The following B3GALT1 variants were observed in gnomAD, a reference collection of about 807,000 sequenced individuals.
The protein encoded by B3GALT1 is beta-1,3-galactosyltransferase 1, also known as UDP-Gal:betaGlcNAc beta 1,3-galactosyltransferase, polypeptide 1.
B3GALT1 carries 10 observed loss-of-function variants against 23.2 expected under a neutral mutation model. That is an observed-to-expected ratio of 0.43 (90% CI 0.27 to 0.73). B3GALT1 has a LOEUF of 0.73. Among genes scored for constraint, B3GALT1 ranks in the 30% least tolerant of loss-of-function variants. The probability of loss-of-function intolerance (pLI) is 0.21; values close to 1 mark genes in which losing one functional copy is unlikely to be tolerated. For missense variants in B3GALT1, 299 were observed against 405.4 expected (o/e 0.74, Z 2.25); for synonymous variants, 156 against 141.5 (o/e 1.10, Z -0.73).
At chr2:167,480,563 T>A (rs1480628077) in intron 1 of B3GALT1, among the ~76,000 whole-genome samples, 1 of 151,668 alleles carries the variant, frequency 6.6e-6, no homozygotes, top group African/African-American at 2.4e-5. Flanking sequence ...GTTTTGTTCC[T>A]TAGCCATGGT....
At chr2:167,393,834 C>CACTT (rs1291394402) in intron 1 of B3GALT1, among the ~76,000 whole-genome samples, 4 of 152,172 alleles carry the variant, frequency 2.6e-5, no homozygotes, top group Admixed American at 2.6e-4. Context: ...AGCCCTTATC[C>CACTT]ACTTGTCTGA....
At chr2:167,438,927 G>A (rs1410570597) in intron 1 of B3GALT1, among the ~76,000 whole-genome samples, 1 of 152,168 alleles carries the variant, frequency 6.6e-6, no homozygotes, top group Non-Finnish European at 1.5e-5. Context: ...ATGGAAGTGT[G>A]TCCATCTATA....
chr2:167,484,716 T>C (rs949789023), intron 1 of B3GALT1, among the ~76,000 whole-genome samples: 1 of 152,140 alleles, frequency 6.6e-6, no homozygotes, highest in African/African-American at 2.4e-5. Context: ...AGGTGGCAAA[T>C]GTTTCCTATT....
At chr2:167,706,279 G>A (rs956381945) in intron 3 of B3GALT1, among the ~76,000 whole-genome samples, 13 of 152,292 alleles carry the variant, frequency 8.5e-5, no homozygotes, top group African/African-American at 2.2e-4. Flanking sequence ...ATTGCAAATC[G>A]GCTAAGACTG....
At chr2:167,446,805 G>A (rs762703225) in intron 1 of B3GALT1, among the ~76,000 whole-genome samples, 1 of 152,052 alleles carries the variant, frequency 6.6e-6, no homozygotes, top group Admixed American at 6.5e-5. Context: ...CGTTGGGTTC[G>A]AACATCCTCC....
At chr2:167,468,365 A>G (rs1183271671) in intron 1 of B3GALT1, among the ~76,000 whole-genome samples, 1 of 152,218 alleles carries the variant, frequency 6.6e-6, no homozygotes, top group African/African-American at 2.4e-5. Context: ...AAAATAGAAC[A>G]TAATGATCAA....
At chr2:167,437,557 T>C (rs1387486281) in intron 1 of B3GALT1, among the ~76,000 whole-genome samples, 3 of 152,188 alleles carry the variant, frequency 2.0e-5, no homozygotes, top group African/African-American at 7.2e-5. Flanking sequence ...GAGGTACTCA[T>C]GGATAAAGCC....
intron 1 of B3GALT1, among the ~76,000 whole-genome samples, chr2:167,312,713 A>T (rs1205547510): frequency 6.6e-6 from 1 of 152,064 alleles, no homozygotes; most frequent in Non-Finnish European, 1.5e-5. Flanking sequence ...AATATCTAAA[A>T]CATTAGGTTA....
chr2:167,666,430 A>C (rs1686189547), intron 3 of B3GALT1, among the ~76,000 whole-genome samples: 1 of 151,980 alleles, frequency 6.6e-6, no homozygotes, highest in South Asian at 2.1e-4. Flanking sequence ...TATTCTGTTG[A>C]TTTGGGGTGG....
chr2:167,717,293 A>T (rs1687161217), intron 3 of B3GALT1, among the ~76,000 whole-genome samples: 1 of 130,770 alleles, frequency 7.6e-6, no homozygotes, highest in African/African-American at 2.5e-5. Context: ...ATTATCTATG[A>T]GTTTTTTTTT....
intron 2 of B3GALT1, among the ~76,000 whole-genome samples, chr2:167,628,609 T>A (rs2105445138): frequency 6.6e-6 from 1 of 151,886 alleles, no homozygotes; most frequent in African/African-American, 2.4e-5. Context: ...TTCTCATTTT[T>A]AAATCAGTGG....
intron 3 of B3GALT1, among the ~76,000 whole-genome samples, chr2:167,734,692 C>G (rs574125495): frequency 6.6e-6 from 1 of 152,108 alleles, no homozygotes; most frequent in African/African-American, 2.4e-5. Context: ...TGTAAAATTT[C>G]CTTCTAACAA....
At chr2:167,833,159 CTG>C (rs1382188480) in intron 4 of B3GALT1, among the ~76,000 whole-genome samples, 1 of 152,216 alleles carries the variant, frequency 6.6e-6, no homozygotes, top group Non-Finnish European at 1.5e-5. Flanking sequence ...ATGCAAATGA[CTG>C]TGGCAGTTTG....
intron 3 of B3GALT1, among the ~76,000 whole-genome samples, chr2:167,690,852 C>G (rs1483481260): frequency 1.3e-5 from 2 of 152,016 alleles, no homozygotes; most frequent in Non-Finnish European, 2.9e-5. Flanking sequence ...GTTCTCTTCC[C>G]TTTGGAAATT....
At chr2:167,324,939 T>C (rs1234093696) in intron 1 of B3GALT1, among the ~76,000 whole-genome samples, 3 of 152,154 alleles carry the variant, frequency 2.0e-5, no homozygotes, top group East Asian at 3.9e-4. Context: ...GGTCTACTTC[T>C]GTAGCTCCCA....
chr2:167,454,285 C>T lies in B3GALT1; in HGVS notation c.-510-35892C>T, dbSNP rs1025910436. On this transcript the variant is annotated intron_variant, in intron 1 of 4. Coordinates refer to ENST00000392690, the MANE Select transcript of B3GALT1 (RefSeq NM_020981.4). ...AACCATAGGCAGAGCCAACTATATG[C>T]GAATAGGATGTCAGCTTGGTTTGGA... Among the ~76,000 whole-genome samples the T allele has an allele frequency of 5.9e-5, 9 of 152,180 alleles. 1 individual carries two copies. The highest frequency in any genetic ancestry group is 1.9e-4 in the African/African-American group (8 of 41,536).
chr2:167,834,334 A>G (rs181968419), intron 4 of B3GALT1, among the ~76,000 whole-genome samples: 5 of 152,268 alleles, frequency 3.3e-5, no homozygotes, highest in Admixed American at 1.3e-4. Context: ...GTTTTTCCTT[A>G]TAAAAAGCAA....
rs190237950 is a variant in B3GALT1 at position 167,468,597 on chromosome 2, C to A, written c.-510-21580C>A. Among the ~76,000 whole-genome samples, 19 of 152,280 alleles carry A rather than the reference C, an allele frequency of 1.2e-4. No individual in the cohort carries two copies. In the East Asian group the frequency reaches 1.9e-3, roughly 15 times the overall value. On this transcript the variant is annotated intron_variant, in intron 1 of 4. Transcript: ENST00000392690. ...TTTAATTATGAAATACTTGGCCAGG[C>A]GCGGTGGCTCACACCTCTAATCCCA...
At chr2:167,504,296 A>G (rs551041202) in intron 2 of B3GALT1, among the ~76,000 whole-genome samples, 29 of 152,304 alleles carry the variant, frequency 1.9e-4, no homozygotes, top group African/African-American at 6.7e-4. Flanking sequence ...ATTGGAATGG[A>G]TACAATTCTA....
Sources: gnomAD v4.1 joint callset for allele counts (sites outside exome capture counted in the v4.1 genomes callset) on GRCh38, gnomAD v4.1.1 for gene constraint, MANE v1.5 for transcripts, NCBI Gene and HGNC (gene_info 2026-07-23, HGNC 2026-07-21) for gene names.